The following PTPN2 variants were observed in gnomAD, a reference collection of about 807,000 sequenced individuals.
The protein encoded by PTPN2 is tyrosine-protein phosphatase non-receptor type 2.
Under a neutral mutation model 57.3 loss-of-function variants are expected in PTPN2, and 19 were observed. That is an observed-to-expected ratio of 0.33 (90% confidence interval 0.23 to 0.49). The LOEUF (loss-of-function observed/expected upper bound fraction) is 0.49. Among genes scored for constraint, PTPN2 ranks in the 20% least tolerant of loss-of-function variants. PTPN2 has a pLI of 0.99. For missense variants in PTPN2, 358 were observed against 501.1 expected (o/e 0.71, Z 2.73); for synonymous variants, 153 against 164.9 (o/e 0.93, Z 0.55).
At chr18:12,857,348 G>A (rs149313083) in intron 2 of PTPN2, among the ~76,000 whole-genome samples, 1 of 152,218 alleles carries the variant, frequency 6.6e-6, no homozygotes, top group Non-Finnish European at 1.5e-5. Flanking sequence ...ACACACAAAT[G>A]AGTGCATGTA....
intron 5 of PTPN2, among the ~76,000 whole-genome samples, chr18:12,821,132 T>C (rs1000208857): frequency 1.3e-5 from 2 of 151,182 alleles, no homozygotes; most frequent in African/African-American, 2.5e-5. Context: ...TTTAGGTATA[T>C]ATGGAAGGTA....
rs538777246 is a variant in PTPN2 at position 12,806,660 on chromosome 18, T to C, written c.859-4509A>G. 6.6e-5 allele frequency among the ~76,000 whole-genome samples: 10 copies of C among 152,232 alleles called. No homozygotes were observed. The East Asian group carries it at 1.9e-3, about 29-fold the overall frequency. ...AATCTACGTATTTACAGCCAATTTA[T>C]TTTTGACAAAGATGCCAAGAATATA... On this transcript the variant is annotated intron_variant, in intron 7 of 8. Transcript: ENST00000309660.
intron 7 of PTPN2, among the ~76,000 whole-genome samples, chr18:12,807,586 A>AAAAAAAAT: frequency 0.016 from 564 of 35,016 alleles, 9 homozygotes; most frequent in Non-Finnish European, 0.029. Flanking sequence ...AAAAAAAAAA[A>AAAAAAAAT]ATATATATAT....
rs1288928127 is a variant in PTPN2 at position 12,856,054 on chromosome 18, A to G, written c.160+3110T>C. On this transcript the variant is annotated intron_variant, in intron 2 of 8. Coordinates refer to ENST00000309660, the MANE Select transcript of PTPN2 (RefSeq NM_002828.4). ...AGCCCTCAAGGCAGCAGAGTTTCAG[A>G]TTTCAGAGGTGAAGATGACTAAAGG... is the stretch of plus-strand genomic sequence containing the variant. Among the ~76,000 whole-genome samples, 4 of 152,218 alleles carry G rather than the reference A, an allele frequency of 2.6e-5. No homozygotes were observed. The South Asian group carries it at 8.3e-4, about 31-fold the overall frequency.
intron 5 of PTPN2, among the ~76,000 whole-genome samples, chr18:12,820,278 C>G (rs1382037311): frequency 3.3e-5 from 5 of 151,908 alleles, no homozygotes; most frequent in South Asian, 2.1e-4. Flanking sequence ...CCTACAGAAC[C>G]AGGACTTTTT....
In PTPN2 at chr18:12,794,195, G is replaced by A; in HGVS notation, c.*83C>T. 6.4e-7 allele frequency: 1 copy of A among 1,572,940 alleles called. No homozygotes were observed. Among genetic ancestry groups the A allele is most frequent in the Non-Finnish European group, 8.6e-7 (1 of 1,163,230 alleles). Reference sequence around the variant, plus strand: ...CTACTGCACCGTTTTTGGGATATGAGGCGTTTGCTGCAGACAAACCCCTAT... The same window carrying A: ...CTACTGCACCGTTTTTGGGATATGAAGCGTTTGCTGCAGACAAACCCCTAT... On this transcript the variant is annotated 3_prime_UTR_variant, in exon 9 of 9. Coordinates refer to ENST00000309660, the MANE Select transcript of PTPN2 (RefSeq NM_002828.4).
intron 1 of PTPN2, among the ~76,000 whole-genome samples, chr18:12,881,617 T>C (rs188623878): frequency 1.3e-5 from 2 of 152,278 alleles, no homozygotes; most frequent in Admixed American, 6.5e-5. Context: ...CTCAGTGCCT[T>C]TGTGCACTCC....
chr18:12,788,795 G>A (rs914657946), downstream of PTPN2, among the ~76,000 whole-genome samples: 7 of 152,050 alleles, frequency 4.6e-5, no homozygotes, highest in African/African-American at 1.7e-4. Context: ...CAGTAGACAG[G>A]GGAGACAGCC....
At chr18:12,795,219 G>A (rs1028693660) in intron 8 of PTPN2, among the ~76,000 whole-genome samples, 19 of 152,078 alleles carry the variant, frequency 1.2e-4, no homozygotes, top group Admixed American at 1.2e-3. Flanking sequence ...TCTGTTGTGG[G>A]AGCACTTATT....
Position 12,851,499 on chromosome 18 carries a change from A to AG in PTPN2, c.160+7664_160+7665insC, listed in dbSNP as rs1294981468. Among the ~76,000 whole-genome samples, 9 of 8,746 alleles carry AG rather than the reference A, an allele frequency of 1.0e-3. 4 individuals carry two copies. Among genetic ancestry groups the AG allele is most frequent in the African/African-American group, 1.6e-3 (9 of 5,540 alleles). The allele number at this position is 8,746 out of a possible 152,430, so 5.7% of individuals were successfully genotyped here. A position where few individuals can be genotyped will look rare whatever the true frequency, so the allele number is the denominator to read the frequency against. ...AGACTCCGTCTCAAAAAAAAAAAAAAAAAAAGAAAAAAGAATAATATTATA... is the reference window on the plus strand; with the variant it reads ...AGACTCCGTCTCAAAAAAAAAAAAAAGAAAAAGAAAAAAGAATAATATTATA... On this transcript the variant is annotated intron_variant, in intron 2 of 8. Transcript: ENST00000309660.
intron 7 of PTPN2, among the ~76,000 whole-genome samples, chr18:12,804,289 CAA>C (rs59927276): frequency 1.5e-5 from 1 of 67,866 alleles, no homozygotes; most frequent in African/African-American, 6.4e-5. Flanking sequence ...GAAACTGTCT[CAA>C]AAAAAAAAAA....
intron 3 of PTPN2, among the ~76,000 whole-genome samples, chr18:12,836,518 G>A (rs1244850364): frequency 6.6e-6 from 1 of 152,236 alleles, no homozygotes; most frequent in Non-Finnish European, 1.5e-5. Context: ...CAGATATAAT[G>A]TAAGGAACAC....
intron 3 of PTPN2, among the ~76,000 whole-genome samples, chr18:12,832,674 C>T (rs1335121203): frequency 6.6e-6 from 1 of 152,084 alleles, no homozygotes; most frequent in Non-Finnish European, 1.5e-5. Context: ...AAATGAATAC[C>T]TTTTTCTTTA....
chr18:12,838,633 TTTAACA>T (rs1465871603), intron 2 of PTPN2, among the ~76,000 whole-genome samples: 4 of 152,192 alleles, frequency 2.6e-5, no homozygotes, highest in African/African-American at 9.7e-5. Flanking sequence ...TCGCTTCCTG[TTTAACA>T]TTAATATACA....
chr18:12,849,437 T>G (rs2043317728), intron 2 of PTPN2, among the ~76,000 whole-genome samples: 1 of 152,162 alleles, frequency 6.6e-6, no homozygotes. Flanking sequence ...CTAACGCCTG[T>G]AATACAAACT....
intron 3 of PTPN2, among the ~76,000 whole-genome samples, chr18:12,832,981 G>A (rs2042722001): frequency 6.6e-6 from 1 of 152,180 alleles, no homozygotes; most frequent in South Asian, 2.1e-4. Flanking sequence ...TAGAGACGGG[G>A]TTTTACCATG....
chr18:12,873,019 A>C (rs2044321544), intron 1 of PTPN2, among the ~76,000 whole-genome samples: 1 of 152,132 alleles, frequency 6.6e-6, no homozygotes, highest in African/African-American at 2.4e-5. Context: ...TCAGGAGTTC[A>C]AGACTGGCCC....
chr18:12,820,455 T>G (rs776601520), intron 5 of PTPN2, among the ~76,000 whole-genome samples: 123 of 152,236 alleles, frequency 8.1e-4, no homozygotes, highest in Non-Finnish European at 1.4e-3. Context: ...TGGACCCCTT[T>G]CCCTCTTTTT....
At chr18:12,819,479 G>A (rs929254868) in intron 5 of PTPN2, among the ~76,000 whole-genome samples, 7 of 152,064 alleles carry the variant, frequency 4.6e-5, no homozygotes, top group African/African-American at 1.7e-4. Flanking sequence ...GTTTCTGGCT[G>A]GGGGTAGAGG....
Sources: allele counts gnomAD v4.1 joint callset (sites outside exome capture counted in the v4.1 genomes callset), GRCh38; gene constraint gnomAD v4.1.1; transcripts MANE v1.5; gene names NCBI Gene and HGNC (gene_info 2026-07-23, HGNC 2026-07-21).